Variants in PAK5 observed in about 807,000 individuals in gnomAD.
The protein encoded by PAK5 is serine/threonine-protein kinase PAK 5.
Under a neutral mutation model 65.9 loss-of-function variants are expected in PAK5, and 16 were observed. That is an observed-to-expected ratio of 0.24 (90% CI 0.16 to 0.37). The LOEUF (loss-of-function observed/expected upper bound fraction) is 0.37, where lower values mean the gene tolerates loss of function less well. Among genes scored for constraint, PAK5 ranks in the 10% least tolerant of loss-of-function variants. The pLI is 1.00. For synonymous variants in PAK5, 371 were observed against 354.9 expected (o/e 1.05, Z -0.51); for missense variants, 785 against 903.9 (o/e 0.87, Z 1.69).
intron 1 of PAK5, among the ~76,000 whole-genome samples, chr20:9,758,435 T>C (rs932079374): frequency 6.6e-6 from 1 of 152,184 alleles, no homozygotes; most frequent in Non-Finnish European, 1.5e-5. Flanking sequence ...ACAACAGTGA[T>C]GTCTCCTTCC....
At chr20:9,834,412 G>A (rs6118751) in intron 1 of PAK5, among the ~76,000 whole-genome samples, 10 of 152,048 alleles carry the variant, frequency 6.6e-5, no homozygotes, top group Non-Finnish European at 5.9e-5. Flanking sequence ...AAACAATTCA[G>A]GATTTTGACA....
At chr20:9,789,475 A>G (rs2049027016) in intron 1 of PAK5, among the ~76,000 whole-genome samples, 1 of 152,186 alleles carries the variant, frequency 6.6e-6, no homozygotes, top group Non-Finnish European at 1.5e-5. Flanking sequence ...AATGAAAAAA[A>G]AAGTTTCCAT....
At chr20:9,642,571 C>A (rs1048536021) in intron 3 of PAK5, among the ~76,000 whole-genome samples, 2 of 152,094 alleles carry the variant, frequency 1.3e-5, no homozygotes, top group African/African-American at 4.8e-5. Context: ...AATAATGAAA[C>A]TAAACAAGCA....
At chr20:9,598,290 C>T (rs2046306032) in intron 3 of PAK5, among the ~76,000 whole-genome samples, 1 of 152,232 alleles carries the variant, frequency 6.6e-6, no homozygotes. Flanking sequence ...GACATGATCT[C>T]ATTCCTTTTT....
At chr20:9,579,145 T>A (rs772347828) in intron 4 of PAK5, among the ~76,000 whole-genome samples, 30 of 151,560 alleles carry the variant, frequency 2.0e-4, no homozygotes, top group Non-Finnish European at 4.0e-4. Flanking sequence ...GGTTCCAGAG[T>A]TTTCTGTGCT....
At chr20:9,774,103 G>C (rs1372283786) in intron 1 of PAK5, among the ~76,000 whole-genome samples, 1 of 152,180 alleles carries the variant, frequency 6.6e-6, no homozygotes. Flanking sequence ...ACATCGCCAT[G>C]GTAAGAAAGT....
chr20:9,614,765 C>A (rs1212670320), intron 3 of PAK5, among the ~76,000 whole-genome samples: 1 of 152,176 alleles, frequency 6.6e-6, no homozygotes, highest in African/African-American at 2.4e-5. Context: ...TAAAGGCTTT[C>A]TCAGACAAAC....
intron 3 of PAK5, among the ~76,000 whole-genome samples, chr20:9,617,911 G>T (rs1351602470): frequency 6.6e-6 from 1 of 152,148 alleles, no homozygotes; most frequent in Non-Finnish European, 1.5e-5. Flanking sequence ...AATAAAAAAA[G>T]TGGAAGTTTA....
At chr20:9,602,620 T>C (rs1487398910) in intron 3 of PAK5, among the ~76,000 whole-genome samples, 1 of 152,260 alleles carries the variant, frequency 6.6e-6, no homozygotes. Context: ...GACTTTTCCA[T>C]GCTAGATTAG....
chr20:9,775,605 A>T (rs2094269889), intron 1 of PAK5, among the ~76,000 whole-genome samples: 1 of 152,196 alleles, frequency 6.6e-6, no homozygotes, highest in Admixed American at 6.5e-5. Flanking sequence ...CTCATTTTCA[A>T]TTAGCAGCAA....
At chr20:9,625,889 G>T (rs1222468556) in intron 3 of PAK5, among the ~76,000 whole-genome samples, 1 of 152,146 alleles carries the variant, frequency 6.6e-6, no homozygotes, top group Non-Finnish European at 1.5e-5. Context: ...CCTGTTTTAG[G>T]CTCACTGTTT....
intron 3 of PAK5, among the ~76,000 whole-genome samples, chr20:9,637,313 A>G (rs908698286): frequency 6.6e-6 from 1 of 152,216 alleles, no homozygotes; most frequent in Non-Finnish European, 1.5e-5. Flanking sequence ...AATTTAAAAC[A>G]TAAGACTATA....
At chr20:9,820,888 A>G (rs1044085027) in intron 1 of PAK5, among the ~76,000 whole-genome samples, 3 of 152,204 alleles carry the variant, frequency 2.0e-5, no homozygotes, top group African/African-American at 7.2e-5. Flanking sequence ...GAGTAACCCA[A>G]GGTGGTAAAG....
intron 1 of PAK5, among the ~76,000 whole-genome samples, chr20:9,834,518 T>C (rs1978993495): frequency 2.0e-5 from 3 of 152,206 alleles, no homozygotes; most frequent in Admixed American, 2.0e-4. Flanking sequence ...AATAAAACAG[T>C]GCCCACCTAG....
intron 7 of PAK5, among the ~76,000 whole-genome samples, chr20:9,547,473 T>A (rs2045362326): frequency 1.3e-5 from 2 of 152,158 alleles, no homozygotes; most frequent in Admixed American, 1.3e-4. Context: ...GGAAATATTA[T>A]TATCTCCATT....
chr20:9,758,434 A>T (rs2048660463), intron 1 of PAK5, among the ~76,000 whole-genome samples: 1 of 152,152 alleles, frequency 6.6e-6, no homozygotes. Flanking sequence ...AACAACAGTG[A>T]TGTCTCCTTC....
At chr20:9,832,138 T>A (rs1417969784) in intron 1 of PAK5, among the ~76,000 whole-genome samples, 1 of 152,002 alleles carries the variant, frequency 6.6e-6, no homozygotes, top group Non-Finnish European at 1.5e-5. Context: ...TCTTTTTAAT[T>A]TTTATTACTA....
chr20:9,780,043 G>C (rs750914336), intron 1 of PAK5, among the ~76,000 whole-genome samples: 9 of 152,030 alleles, frequency 5.9e-5, no homozygotes, highest in Non-Finnish European at 1.0e-4. Context: ...CTCCCATGAA[G>C]CTATTGACAT....
intron 2 of PAK5, among the ~76,000 whole-genome samples, chr20:9,646,210 C>G (rs929526794): frequency 7.9e-5 from 12 of 152,320 alleles, no homozygotes; most frequent in Non-Finnish European, 1.3e-4. Flanking sequence ...AAACACTTGT[C>G]CCTGTGTGGT....
Sources: allele counts gnomAD v4.1 joint callset (sites outside exome capture counted in the v4.1 genomes callset), GRCh38; gene constraint gnomAD v4.1.1; transcripts MANE v1.5; gene names NCBI Gene and HGNC (gene_info 2026-07-23, HGNC 2026-07-21).